ADGRF5: variants seen among roughly 807,000 people sequenced by gnomAD.
ADGRF5 encodes G-protein coupled receptor 116.
ADGRF5 carries 75 observed loss-of-function variants against 132.3 expected under a neutral mutation model. That is an observed-to-expected ratio of 0.57 (90% confidence interval 0.47 to 0.69). The LOEUF (loss-of-function observed/expected upper bound fraction) is 0.69. ADGRF5 is among the 30% of genes least tolerant of loss of function. ADGRF5 has a pLI of 0.00. For synonymous variants in ADGRF5, 629 were observed against 597.6 expected (o/e 1.05, Z -0.77); for missense variants, 1,516 against 1,630.6 (o/e 0.93, Z 1.21).
chr6:46,921,072 G>A (rs1235795992), intron 1 of ADGRF5, among the ~76,000 whole-genome samples: 2 of 152,174 alleles, frequency 1.3e-5, no homozygotes, highest in African/African-American at 4.8e-5. Flanking sequence ...GCACATCATA[G>A]AGTTGCTCCT....
Position 46,872,027 on chromosome 6 carries a change from C to T in ADGRF5, c.1241-14G>A, listed in dbSNP as rs201325605. 1 of 1,564,856 alleles carries T rather than the reference C, an allele frequency of 6.4e-7. No homozygotes were observed. Among genetic ancestry groups the T allele is most frequent in the Non-Finnish European group, 8.7e-7 (1 of 1,146,842 alleles). ...TCTCAGGGGTTCCTATAATGAGAAGCAAATTGTTGCCATCCCAGCTGGCTA... is the reference window on the plus strand; with the variant it reads ...TCTCAGGGGTTCCTATAATGAGAAGTAAATTGTTGCCATCCCAGCTGGCTA... On this transcript the variant is annotated splice_polypyrimidine_tract_variant and intron_variant, in intron 10 of 20. Coordinates refer to ENST00000283296, the MANE Select transcript of ADGRF5 (RefSeq NM_001098518.2).
chr6:46,877,313 CCT>C (rs1355079200), intron 10 of ADGRF5, among the ~76,000 whole-genome samples: 9 of 24,332 alleles, frequency 3.7e-4, no homozygotes, highest in South Asian at 1.1e-3. Flanking sequence ...CTCTTTCCTT[CCT>C]TCCTTCCTTC....
intron 1 of ADGRF5, among the ~76,000 whole-genome samples, chr6:46,937,370 A>G (rs536034135): frequency 6.6e-6 from 1 of 152,160 alleles, no homozygotes; most frequent in African/African-American, 2.4e-5. Flanking sequence ...ATTTCATGCC[A>G]TTGGGTTTTC....
At chr6:46,953,815 G>A (rs1247984657) in intron 1 of ADGRF5, among the ~76,000 whole-genome samples, 2 of 150,714 alleles carry the variant, frequency 1.3e-5, no homozygotes, top group South Asian at 2.1e-4. Context: ...TATGAGCATC[G>A]GAACTAAATA....
intron 1 of ADGRF5, among the ~76,000 whole-genome samples, chr6:46,937,171 G>A (rs1700508276): frequency 6.6e-6 from 1 of 152,012 alleles, no homozygotes; most frequent in African/African-American, 2.4e-5. Context: ...TTATATGTCT[G>A]ATGAGCAAAA....
At position 46,858,679 on chromosome 6, in the gene ADGRF5, T is replaced by C. The variant is rs777064110; in HGVS notation, c.3224A>G (p.Gln1075Arg). The C allele has an allele frequency of 1.2e-6, 2 of 1,614,156 alleles. No individual in the cohort carries two copies. Among genetic ancestry groups the C allele is most frequent in the South Asian group, 2.2e-5 (2 of 91,070 alleles). The change falls in exon 17 of 21, where the codon CAG (glutamine) becomes CGG (arginine). Residue 1075 changes from glutamine (Q) to arginine (R), a missense_variant. Physicochemically the swap from Gln to Arg is conservative, Grantham distance 43. This residue lies in a region of ADGRF5 where 571 missense variants were observed against 701.2 expected (regional missense o/e 0.81). Transcript: ENST00000283296. The part of the protein sequence containing the change: ...NTWFIVVAAI[Q>R]DNRYILCKTA... ...CTTGCAGAGTATGTAGCGATTGTCC[T>C]GGATGGCAGCGACCACAATGAACCA...
At chr6:46,890,615 G>A (rs955902150) in intron 3 of ADGRF5, among the ~76,000 whole-genome samples, 6 of 151,974 alleles carry the variant, frequency 3.9e-5, no homozygotes, top group Non-Finnish European at 7.4e-5. Context: ...TACTCAGGAG[G>A]CTGAGGCAGA....
At position 46,888,415 on chromosome 6, in the gene ADGRF5, T is replaced by C. The variant is rs1284532500; in HGVS notation, c.248A>G (p.Tyr83Cys). 1.2e-6 allele frequency: 2 copies of C among 1,608,496 alleles called. No homozygotes were observed. The highest frequency in any genetic ancestry group is 8.5e-7 in the Non-Finnish European group (1 of 1,174,834). ...AATTGGAAAACTGAGGCTGTTCAAG[T>C]AGGCTTTGATAGGATCCAGGAAGGA... The part of the protein sequence containing the change: ...NASFLDPIKA[Y>C]LNSLSFPIHG... The change falls in exon 4 of 21, where the codon TAC (tyrosine) becomes TGC (cysteine). Residue 83 changes from tyrosine (Y) to cysteine (C), a missense_variant. Tyr to Cys is a radical substitution (Grantham distance 194). Coordinates refer to ENST00000283296, the MANE Select transcript of ADGRF5 (RefSeq NM_001098518.2).
intron 1 of ADGRF5, among the ~76,000 whole-genome samples, chr6:46,909,670 A>C (rs1164766950): frequency 6.6e-6 from 1 of 152,158 alleles, no homozygotes; most frequent in Non-Finnish European, 1.5e-5. Context: ...CTGTTCTTAC[A>C]ACCCTTAGAA....
chr6:46,906,682 G>T lies in ADGRF5; in HGVS notation c.81C>A (p.Tyr27Ter). ...TCACCAAAGGATGAATAGTAGACTC[G>T]TAATTCCAGTTCAGTGCAGCTTTGG... ...YSSKAALNWNYESTIHPLSLH... is the reference protein window; with the variant it reads ...YSSKAALNWN Residue 27 changes from tyrosine to a stop codon, truncating the protein, a stop_gained, in exon 2 of 21, where the codon TAC (tyrosine) becomes TAA (stop). Transcript: ENST00000283296. LOFTEE classifies it high-confidence loss of function. 1 of 1,572,378 alleles carries T rather than the reference G, an allele frequency of 6.4e-7. No individual in the cohort carries two copies. The highest frequency in any genetic ancestry group is 8.8e-7 in the Non-Finnish European group (1 of 1,142,108).
chr6:46,889,321 GTATA>G (rs1013365528), intron 3 of ADGRF5, among the ~76,000 whole-genome samples: 3 of 145,524 alleles, frequency 2.1e-5, no homozygotes, highest in African/African-American at 5.1e-5. Flanking sequence ...TAGTAATATA[GTATA>G]TATAGTCTAT....
intron 2 of ADGRF5, among the ~76,000 whole-genome samples, chr6:46,901,908 G>A (rs1158843259): frequency 1.3e-5 from 2 of 152,108 alleles, no homozygotes; most frequent in Non-Finnish European, 2.9e-5. Flanking sequence ...ACCACTCCAT[G>A]TAAGGTTTAC....
chr6:46,899,149 G>A (rs909516694), intron 3 of ADGRF5, among the ~76,000 whole-genome samples: 2 of 152,124 alleles, frequency 1.3e-5, no homozygotes, highest in African/African-American at 4.8e-5. Flanking sequence ...GCCTAACAGG[G>A]CAAGAGTTCA....
rs762104523 is a variant in ADGRF5 at position 46,859,482 on chromosome 6, G to T, written c.2421C>A (p.Val807=). The change falls in exon 17 of 21, where the codon GTC becomes GTA. Residue 807 remains valine (V), a synonymous_variant. Transcript: ENST00000283296. ...STVNVILGKP[V]LNTWKVLQQQ... ...GTTGTAAAACCTTCCAGGTGTTCAA[G>T]ACGGGCTTGCCAAGGATGACATTAA... 26 of 1,613,474 alleles carry T rather than the reference G, an allele frequency of 1.6e-5. No individual in the cohort carries two copies. The South Asian group carries it at 2.4e-4, about 15-fold the overall frequency.
chr6:46,896,258 T>C (rs1774168105), intron 3 of ADGRF5, among the ~76,000 whole-genome samples: 1 of 152,178 alleles, frequency 6.6e-6, no homozygotes, highest in Non-Finnish European at 1.5e-5. Flanking sequence ...GTGACATGAC[T>C]CGGGATCTTT....
upstream of ADGRF5, among the ~76,000 whole-genome samples, chr6:46,926,547 C>A (rs1047763438): frequency 6.6e-6 from 1 of 152,076 alleles, no homozygotes; most frequent in Non-Finnish European, 1.5e-5. Flanking sequence ...CTTTCTTGAC[C>A]CTTATTGATC....
At chr6:46,859,587 C>A in intron 16 of ADGRF5, 64 bp from the exon 17 acceptor site, 2 of 990,554 alleles carry the variant, frequency 2.0e-6, no homozygotes, top group Admixed American at 5.0e-5. Context: ...AAGAAAAAAA[C>A]AACATCTTCC....
At chr6:46,924,989 G>A (rs1777177197), upstream of ADGRF5, among the ~76,000 whole-genome samples, 1 of 152,100 alleles carries the variant, frequency 6.6e-6, no homozygotes, top group African/African-American at 2.4e-5. Context: ...ATCTCCTCTT[G>A]TCACTTATAG....
intron 3 of ADGRF5, among the ~76,000 whole-genome samples, chr6:46,891,709 A>G (rs1773659594): frequency 6.6e-6 from 1 of 152,202 alleles, no homozygotes; most frequent in African/African-American, 2.4e-5. Context: ...TAGAAAGCAC[A>G]TGGTGATTCA....
Sources: gnomAD v4.1 joint callset for allele counts (sites outside exome capture counted in the v4.1 genomes callset) on GRCh38, gnomAD v4.1.1 for gene constraint, gnomAD v4.1.1 regional missense constraint, MANE v1.5 for transcripts, NCBI Gene and HGNC (gene_info 2026-07-23, HGNC 2026-07-21) for gene names.